The following DHX35 variants were observed in gnomAD, a reference collection of about 807,000 sequenced individuals.
DHX35 encodes DEAH-box helicase 35.
A neutral mutation model predicts 99.6 loss-of-function variants in DHX35; 84 were observed. The observed-to-expected ratio is 0.84, with a 90% CI of 0.71 to 1.01. The LOEUF (loss-of-function observed/expected upper bound fraction) is 1.01. Ranked by LOEUF, DHX35 falls within the 50% of genes least tolerant of loss-of-function variation. The probability of loss-of-function intolerance (pLI) is 0.00; values close to 1 mark genes in which losing one functional copy is unlikely to be tolerated. For missense variants in DHX35, 852 were observed against 888.5 expected (o/e 0.96, Z 0.52); for synonymous variants, 331 against 316.2 (o/e 1.05, Z -0.50).
At chr20:39,014,759 A>G in intron 13 of DHX35, 121 bp from the exon 14 acceptor site, 3 of 1,223,826 alleles carry the variant, frequency 2.5e-6, no homozygotes, top group South Asian at 1.3e-5. Flanking sequence ...GAACAGAAAC[A>G]TGGAGGCTGG....
intron 13 of DHX35, among the ~76,000 whole-genome samples, chr20:39,014,642 G>A (rs1420737321): frequency 6.6e-6 from 1 of 152,096 alleles, no homozygotes; most frequent in Non-Finnish European, 1.5e-5. Flanking sequence ...GGGAGGATGA[G>A]GGAGCACTTC....
chr20:38,995,519 C>T (rs1383374880), intron 8 of DHX35, among the ~76,000 whole-genome samples: 6 of 149,042 alleles, frequency 4.0e-5, no homozygotes, highest in African/African-American at 1.5e-4. Context: ...AGCAAAACTT[C>T]ATCTCAAAAA....
chr20:38,984,002 T>C (rs1299474763), intron 4 of DHX35, among the ~76,000 whole-genome samples: 2 of 152,138 alleles, frequency 1.3e-5, no homozygotes, highest in Admixed American at 6.5e-5. Context: ...CTCCGCCTCC[T>C]GGGTTCAAGC....
At chr20:38,965,023 C>G (rs73908216) in intron 1 of DHX35, among the ~76,000 whole-genome samples, 3,297 of 152,258 alleles carry the variant, frequency 0.022, 125 homozygotes, top group African/African-American at 0.076. Context: ...ACTTGGGAAG[C>G]TCTGAAAAGT....
chr20:38,991,687 GGCCCTTTACA>G (rs748431659), intron 6 of DHX35, among the ~76,000 whole-genome samples, 172 bp downstream of exon 6: 1 of 152,032 alleles, frequency 6.6e-6, no homozygotes, highest in Non-Finnish European at 1.5e-5. Flanking sequence ...TAAATAGTAT[GGCCCTTTACA>G]GACACTCAAA....
At chr20:39,010,214 C>T in intron 12 of DHX35, 66 bp from the exon 13 acceptor site, 1 of 1,612,262 alleles carries the variant, frequency 6.2e-7, no homozygotes, top group South Asian at 1.1e-5. Context: ...AAATTTGTCC[C>T]TTGGCATAGT....
intron 13 of DHX35, 90 bp downstream of exon 13, chr20:39,010,494 C>T (rs1201715955): frequency 1.1e-5 from 17 of 1,522,270 alleles, no homozygotes; most frequent in African/African-American, 2.8e-5. Flanking sequence ...GCCATCTTTC[C>T]TTTTTTTCCC....
chr20:39,013,254 A>G (rs2086731648), intron 13 of DHX35, among the ~76,000 whole-genome samples: 1 of 152,202 alleles, frequency 6.6e-6, no homozygotes, highest in Admixed American at 6.5e-5. Context: ...GTTATTTACA[A>G]TGGTGAAAAA....
rs527477439 is a variant in DHX35, at chr20:39,004,344, C to T, written c.1011+437C>T. On this transcript the variant is annotated intron_variant, in intron 11 of 21. Coordinates refer to ENST00000252011, the MANE Select transcript of DHX35 (RefSeq NM_021931.4). ...CCTCCCAAAGTGCTGGGATTACAGGCGTCAGCCACCGTGCCCGGCCTGTTG... is the reference window on the plus strand; with the variant it reads ...CCTCCCAAAGTGCTGGGATTACAGGTGTCAGCCACCGTGCCCGGCCTGTTG... Among the ~76,000 whole-genome samples, 27 of 152,320 alleles carry T rather than the reference C, an allele frequency of 1.8e-4. No homozygotes were observed. In the East Asian group the frequency reaches 4.0e-3, roughly 23 times the overall value.
At chr20:39,020,463 T>A (rs923290806) in intron 15 of DHX35, among the ~76,000 whole-genome samples, 2 of 152,192 alleles carry the variant, frequency 1.3e-5, no homozygotes, top group Non-Finnish European at 2.9e-5. Flanking sequence ...TAATTAGAAA[T>A]CAAAGTCATC....
At chr20:38,967,634 T>C (rs1003021736) in intron 1 of DHX35, among the ~76,000 whole-genome samples, 6 of 152,262 alleles carry the variant, frequency 3.9e-5, no homozygotes, top group Non-Finnish European at 7.3e-5. Flanking sequence ...TAAAACTGTA[T>C]GGAACCTTCA....
chr20:38,991,604 G>A (rs1262391851), intron 6 of DHX35, 89 bp downstream of exon 6: 10 of 1,175,594 alleles, frequency 8.5e-6, no homozygotes, highest in Middle Eastern at 2.0e-4. Flanking sequence ...TGGGATTCAC[G>A]TCTGTGTTCA....
Position 39,006,162 on chromosome 20 carries a change from A to G in DHX35, c.1028A>G (p.Asn343Ser), listed in dbSNP as rs751639306. ...GGAACGTAGGTGATAGTGGCCACCA[A>G]TGTGGCAGAAACCTCTATCACAATC... ...RSVRKVIVAT[N>S]VAETSITISG... The change falls in exon 12 of 22, where the codon AAT becomes AGT. Residue 343 changes from asparagine (N) to serine (S), a missense_variant. Physicochemically the swap from Asn to Ser is conservative, Grantham distance 46 (BLOSUM62 1). Coordinates refer to ENST00000252011, the MANE Select transcript of DHX35 (RefSeq NM_021931.4). The G allele has an allele frequency of 1.2e-6, 2 of 1,613,702 alleles. No individual in the cohort carries two copies. The highest frequency in any genetic ancestry group is 1.7e-6 in the Non-Finnish European group (2 of 1,179,642).
At chr20:39,028,052 C>T (rs1001195042) in intron 18 of DHX35, among the ~76,000 whole-genome samples, 8 of 152,170 alleles carry the variant, frequency 5.3e-5, no homozygotes, top group Non-Finnish European at 1.2e-4. Flanking sequence ...ACATTGTTGC[C>T]ATATGACACT....
intron 4 of DHX35, among the ~76,000 whole-genome samples, chr20:38,985,341 C>T (rs1295817108): frequency 7.4e-6 from 1 of 134,390 alleles, no homozygotes; most frequent in African/African-American, 2.9e-5. Flanking sequence ...GAGTTATGAT[C>T]GTGTCATTGT....
intron 3 of DHX35, among the ~76,000 whole-genome samples, chr20:38,980,684 G>C (rs1169029745): frequency 1.3e-5 from 2 of 152,008 alleles, no homozygotes; most frequent in Non-Finnish European, 2.9e-5. Flanking sequence ...TAGACTAATA[G>C]AAAAATTGCA....
chr20:39,035,706 G>A (rs925717532), intron 21 of DHX35, among the ~76,000 whole-genome samples: 5 of 152,168 alleles, frequency 3.3e-5, no homozygotes, highest in Non-Finnish European at 7.3e-5. Flanking sequence ...AGGTGCCGTA[G>A]TCCCATGTCA....
chr20:39,021,073 G>T lies in DHX35; in HGVS notation c.1499-768G>T, dbSNP rs577194957. Among the ~76,000 whole-genome samples the T allele has an allele frequency of 2.0e-5, 3 of 152,338 alleles. No homozygotes were observed. The South Asian group carries it at 6.2e-4, about 32-fold the overall frequency. On this transcript the variant is annotated intron_variant, in intron 15 of 21. Coordinates refer to ENST00000252011, the MANE Select transcript of DHX35 (RefSeq NM_021931.4). ...GTACTCTGCCTTGTGCCCTGGAGTGGTGATTGCTGGTGACTGTTTCCAGGC... is the reference window on the plus strand; with the variant it reads ...GTACTCTGCCTTGTGCCCTGGAGTGTTGATTGCTGGTGACTGTTTCCAGGC...
At chr20:39,012,464 A>G (rs1205759258) in intron 13 of DHX35, among the ~76,000 whole-genome samples, 3 of 152,180 alleles carry the variant, frequency 2.0e-5, no homozygotes, top group African/African-American at 7.2e-5. Flanking sequence ...TATCATTAGG[A>G]CATGTTGAGC....
Sources: gnomAD v4.1 joint callset for allele counts (sites outside exome capture counted in the v4.1 genomes callset) on GRCh38, gnomAD v4.1.1 for gene constraint, MANE v1.5 for transcripts, NCBI Gene and HGNC (gene_info 2026-07-23, HGNC 2026-07-21) for gene names.